The following MYO1D variants were observed in gnomAD, a reference collection of about 807,000 sequenced individuals.
MYO1D encodes the protein unconventional myosin-Id.
In MYO1D, 83 loss-of-function variants were observed where a neutral mutation model predicts 122.0. The observed-to-expected ratio is 0.68, with a 90% CI of 0.57 to 0.82. The LOEUF is 0.82. Among genes scored for constraint, MYO1D ranks in the 40% least tolerant of loss-of-function variants. The pLI, the probability that MYO1D is intolerant of heterozygous loss-of-function variation, is 0.00. For synonymous variants in MYO1D, 464 were observed against 446.9 expected, an observed-to-expected ratio of 1.04 and a Z score of -0.48; for missense variants, 1,157 against 1,269.5, an observed-to-expected ratio of 0.91 and a Z score of 1.35.
intron 21 of MYO1D, among the ~76,000 whole-genome samples, chr17:32,557,484 A>G (rs1327604553): frequency 2.0e-5 from 3 of 151,868 alleles, no homozygotes; most frequent in African/African-American, 7.3e-5. Context: ...GGAGTCGGCA[A>G]ACTTCCTTTT....
At chr17:32,705,484 AG>A (rs1364610754) in intron 16 of MYO1D, among the ~76,000 whole-genome samples, 6 of 152,060 alleles carry the variant, frequency 3.9e-5, no homozygotes, top group Non-Finnish European at 8.8e-5. Flanking sequence ...AGGATGGTCT[AG>A]AACTCCTGAC....
chr17:32,876,746 C>A (rs376282520), intron 1 of MYO1D, 32 bp downstream of exon 1: 18 of 1,476,142 alleles, frequency 1.2e-5, no homozygotes, highest in Admixed American at 2.4e-5. Context: ...AGCGCAGCCT[C>A]GCGCCCCTGC....
chr17:32,864,548 G>GAAAAAAAA (rs200717040), intron 1 of MYO1D, among the ~76,000 whole-genome samples: 6 of 73,012 alleles, frequency 8.2e-5, no homozygotes, highest in African/African-American at 1.5e-4. Flanking sequence ...TTCTACGAAT[G>GAAAAAAAA]AAAAAAAAAA....
chr17:32,851,184 C>G (rs1209749438), intron 1 of MYO1D, among the ~76,000 whole-genome samples: 1 of 152,132 alleles, frequency 6.6e-6, no homozygotes, highest in Non-Finnish European at 1.5e-5. Flanking sequence ...TACCATTCCC[C>G]CCACTCTCAG....
intron 14 of MYO1D, among the ~76,000 whole-genome samples, chr17:32,735,080 GAA>G (rs1491321549): frequency 2.4e-4 from 18 of 73,922 alleles, no homozygotes; most frequent in African/African-American, 1.1e-3. Flanking sequence ...GATTCCATCT[GAA>G]CACACACACA....
intron 14 of MYO1D, chr17:32,735,036 G>T (rs1046018241): frequency 6.7e-6 from 1 of 150,152 alleles, no homozygotes; most frequent in Non-Finnish European, 1.5e-5. Context: ...AGCTGAGATC[G>T]CACCATGGCA....
chr17:32,776,150 T>C (rs2090169832), intron 3 of MYO1D, 121 bp from the exon 4 acceptor site: 5 of 813,354 alleles, frequency 6.1e-6, no homozygotes, highest in South Asian at 5.8e-5. Flanking sequence ...CAGCACTGTT[T>C]GCAATATCAA....
At chr17:32,610,594 T>C (rs1287947332) in intron 20 of MYO1D, among the ~76,000 whole-genome samples, 1 of 152,114 alleles carries the variant, frequency 6.6e-6, no homozygotes, top group Non-Finnish European at 1.5e-5. Context: ...TTCTGCAAAA[T>C]AAGGATAACA....
At chr17:32,528,929 A>G (rs1910428482) in intron 21 of MYO1D, 1 of 152,286 alleles carries the variant, frequency 6.6e-6, no homozygotes, top group Non-Finnish European at 1.5e-5. Context: ...TGAGAAAAAA[A>G]CATGTCTGTG....
intron 16 of MYO1D, among the ~76,000 whole-genome samples, chr17:32,678,609 T>G (rs1476699785): frequency 4.0e-5 from 6 of 151,516 alleles, no homozygotes; most frequent in Non-Finnish European, 7.4e-5. Flanking sequence ...TATGGCTGCA[T>G]AGTATTCCAT....
chr17:32,735,697 G>T (rs1408801212), intron 14 of MYO1D, among the ~76,000 whole-genome samples: 2 of 148,972 alleles, frequency 1.3e-5, no homozygotes, highest in Non-Finnish European at 3.0e-5. Flanking sequence ...AATTTTTCAG[G>T]TTTTTTTTTT....
chr17:32,704,116 CTT>C (rs978946015), intron 16 of MYO1D, among the ~76,000 whole-genome samples: 7 of 152,278 alleles, frequency 4.6e-5, no homozygotes, highest in Admixed American at 3.9e-4. Flanking sequence ...ATTTTGAAAA[CTT>C]ATATAGTTTC....
chr17:32,847,701 G>C (rs1329004061), intron 1 of MYO1D, among the ~76,000 whole-genome samples: 1 of 152,024 alleles, frequency 6.6e-6, no homozygotes, highest in South Asian at 2.1e-4. Context: ...TTTTAGTAGA[G>C]ACAGGGTTTT....
intron 20 of MYO1D, among the ~76,000 whole-genome samples, chr17:32,609,817 C>T (rs571715333): frequency 6.6e-6 from 1 of 152,232 alleles, no homozygotes; most frequent in South Asian, 2.1e-4. Flanking sequence ...CATTCACCAA[C>T]CAATGTGGAT....
At chr17:32,718,826 A>G (rs1211987423) in intron 15 of MYO1D, among the ~76,000 whole-genome samples, 1 of 152,152 alleles carries the variant, frequency 6.6e-6, no homozygotes, top group African/African-American at 2.4e-5. Flanking sequence ...CACAAATCTA[A>G]ACATTGTCAT....
At chr17:32,726,718 T>C (rs1368411979) in intron 14 of MYO1D, among the ~76,000 whole-genome samples, 1 of 149,376 alleles carries the variant, frequency 6.7e-6, no homozygotes, top group African/African-American at 2.4e-5. Context: ...ATATAATAAA[T>C]ATATTTATAT....
intron 4 of MYO1D, among the ~76,000 whole-genome samples, chr17:32,773,245 C>G (rs530688586): frequency 6.6e-6 from 1 of 152,206 alleles, no homozygotes; most frequent in South Asian, 2.1e-4. Flanking sequence ...CTTTCAATTT[C>G]GGCGCCACCC....
chr17:32,728,266 C>T (rs1008965862), intron 14 of MYO1D, among the ~76,000 whole-genome samples: 2 of 151,014 alleles, frequency 1.3e-5, no homozygotes, highest in Admixed American at 6.6e-5. Context: ...AGTGCAATGG[C>T]GTGATCTCAG....
At chr17:32,807,075 G>A (rs1299721879) in intron 1 of MYO1D, among the ~76,000 whole-genome samples, 1 of 152,128 alleles carries the variant, frequency 6.6e-6, no homozygotes, top group African/African-American at 2.4e-5. Context: ...GCACAACTCA[G>A]ATTTCTCAAA....
Sources: allele counts gnomAD v4.1 joint callset (sites outside exome capture counted in the v4.1 genomes callset), GRCh38; gene constraint gnomAD v4.1.1; transcripts MANE v1.5; gene names NCBI Gene and HGNC (gene_info 2026-07-23, HGNC 2026-07-21).